Variants in EPHA3 observed in about 807,000 individuals in gnomAD.
The protein encoded by EPHA3 is ephrin type-A receptor 3.
In EPHA3, 42 loss-of-function variants were observed where a neutral mutation model predicts 107.1. The ratio of observed to expected loss-of-function variants is 0.39; its 90% CI spans 0.31 to 0.51. The LOEUF is 0.51. Ranked by LOEUF, EPHA3 falls within the 20% of genes least tolerant of loss-of-function variation. The pLI is 0.78. For synonymous variants in EPHA3, 461 were observed against 424.8 expected, an observed-to-expected ratio of 1.09 and a Z score of -1.05; for missense variants, 1,183 against 1,211.2, an observed-to-expected ratio of 0.98 and a Z score of 0.35.
At chr3:89,442,484 G>A (rs975290786) in intron 13 of EPHA3, among the ~76,000 whole-genome samples, 3 of 152,212 alleles carry the variant, frequency 2.0e-5, no homozygotes, top group East Asian at 1.9e-4. Flanking sequence ...TTGTCTAGAG[G>A]CATTTTTGGC....
At chr3:89,178,191 A>G (rs1705359534) in intron 2 of EPHA3, among the ~76,000 whole-genome samples, 1 of 152,120 alleles carries the variant, frequency 6.6e-6, no homozygotes. Context: ...TAAAACAAAT[A>G]TTTACTAGGA....
At chr3:89,127,558 T>C (rs1192777861) in intron 2 of EPHA3, among the ~76,000 whole-genome samples, 1 of 152,014 alleles carries the variant, frequency 6.6e-6, no homozygotes, top group African/African-American at 2.4e-5. Flanking sequence ...AGTGACTTTT[T>C]TTGATGTGAT....
At chr3:89,337,411 A>G (rs1420548167) in intron 3 of EPHA3, among the ~76,000 whole-genome samples, 1 of 152,228 alleles carries the variant, frequency 6.6e-6, no homozygotes, top group Non-Finnish European at 1.5e-5. Flanking sequence ...TATAAAATAC[A>G]CAGACTGATA....
rs1436920274 is a variant in EPHA3, at chr3:89,284,449, T to TA, written c.815-56466dup. On this transcript the variant is annotated intron_variant, in intron 3 of 16. Transcript: ENST00000336596. Reference sequence around the variant, plus strand: ...TTTTATCTACCATCACCTTTTTTTTTATCAGTTATATAATCTTAAGTACTT... The same window carrying TA: ...TTTTATCTACCATCACCTTTTTTTTTAATCAGTTATATAATCTTAAGTACTT... Among the ~76,000 whole-genome samples the TA allele has an allele frequency of 5.3e-5, 8 of 151,430 alleles. No homozygotes were observed. The South Asian group carries it at 1.0e-3, about 20-fold the overall frequency.
At chr3:89,206,070 A>G (rs1223078881) in intron 2 of EPHA3, among the ~76,000 whole-genome samples, 1 of 152,142 alleles carries the variant, frequency 6.6e-6, no homozygotes. Flanking sequence ...TGCTAGAGTT[A>G]GAGACTTGTT....
intron 16 of EPHA3, among the ~76,000 whole-genome samples, chr3:89,477,535 G>T (rs190788769): frequency 6.6e-6 from 1 of 151,996 alleles, no homozygotes; most frequent in East Asian, 1.9e-4. Context: ...TTAAGAAATC[G>T]ATTAATCCAT....
chr3:89,136,330 CTTTTTTT>C (rs67054298), intron 2 of EPHA3, among the ~76,000 whole-genome samples: 5 of 23,382 alleles, frequency 2.1e-4, no homozygotes, highest in African/African-American at 5.0e-4. Flanking sequence ...ATCTTACAGG[CTTTTTTT>C]TTTTTTTTTT....
At chr3:89,402,946 G>A (rs1708994625) in intron 7 of EPHA3, among the ~76,000 whole-genome samples, 1 of 152,094 alleles carries the variant, frequency 6.6e-6, no homozygotes, top group Admixed American at 6.5e-5. Flanking sequence ...CAAAAGTGCT[G>A]GGATTACAGG....
chr3:89,120,973 C>T (rs992258064), intron 1 of EPHA3, among the ~76,000 whole-genome samples: 8 of 152,222 alleles, frequency 5.3e-5, no homozygotes, highest in African/African-American at 1.4e-4. Context: ...GGCACGGTGG[C>T]TCACACCTGT....
chr3:89,456,269 C>T (rs1005278481), intron 15 of EPHA3, among the ~76,000 whole-genome samples: 3 of 152,074 alleles, frequency 2.0e-5, no homozygotes, highest in African/African-American at 7.3e-5. Flanking sequence ...AAACTGAATT[C>T]GTGGCTGGTA....
At chr3:89,441,416 A>G (rs1311636013) in intron 13 of EPHA3, among the ~76,000 whole-genome samples, 3 of 152,238 alleles carry the variant, frequency 2.0e-5, no homozygotes, top group South Asian at 2.1e-4. Flanking sequence ...TCTGAAATAC[A>G]TAAATATATC....
intron 5 of EPHA3, among the ~76,000 whole-genome samples, chr3:89,343,394 G>A (rs542569134): frequency 4.6e-5 from 7 of 152,232 alleles, no homozygotes; most frequent in Middle Eastern, 3.4e-3. Flanking sequence ...TTACAGAAAT[G>A]CCTCTCTACT....
chr3:89,284,633 C>T (rs73846122), intron 3 of EPHA3, among the ~76,000 whole-genome samples: 5,209 of 151,962 alleles, frequency 0.034, 305 homozygotes, highest in African/African-American at 0.12. Context: ...TATTATTTCC[C>T]GTAATCTATG....
intron 3 of EPHA3, among the ~76,000 whole-genome samples, chr3:89,293,445 AG>A: frequency 6.6e-6 from 1 of 152,072 alleles, no homozygotes; most frequent in East Asian, 1.9e-4. Context: ...CTTTCTTTTA[AG>A]GGGCCAGATA....
At chr3:89,425,834 T>C (rs1337909949) in intron 11 of EPHA3, among the ~76,000 whole-genome samples, 2 of 151,610 alleles carry the variant, frequency 1.3e-5, no homozygotes, top group African/African-American at 4.8e-5. Context: ...TTAGACATTT[T>C]GAATCATATT....
intron 2 of EPHA3, among the ~76,000 whole-genome samples, chr3:89,128,984 A>G (rs1039801982): frequency 1.3e-5 from 2 of 152,130 alleles, no homozygotes; most frequent in Non-Finnish European, 2.9e-5. Context: ...CTTGCTGGGT[A>G]AAGTGTGGCA....
chr3:89,260,460 T>C (rs2107279454), intron 3 of EPHA3, among the ~76,000 whole-genome samples: 1 of 152,366 alleles, frequency 6.6e-6, no homozygotes, highest in Admixed American at 6.5e-5. Context: ...TTCATATATA[T>C]GTTAGCCATT....
At chr3:89,247,712 G>T (rs555939665) in intron 3 of EPHA3, among the ~76,000 whole-genome samples, 12 of 152,084 alleles carry the variant, frequency 7.9e-5, no homozygotes, top group Non-Finnish European at 1.6e-4. Context: ...GTATTTTGTG[G>T]CCAAAGTCAT....
intron 2 of EPHA3, among the ~76,000 whole-genome samples, chr3:89,177,411 A>G (rs748591770): frequency 2.6e-5 from 4 of 152,108 alleles, no homozygotes; most frequent in Non-Finnish European, 4.4e-5. Context: ...TAACTGTGAA[A>G]AAAGATTTCT....
Sources: allele counts gnomAD v4.1 joint callset (sites outside exome capture counted in the v4.1 genomes callset), GRCh38; gene constraint gnomAD v4.1.1; transcripts MANE v1.5; gene names NCBI Gene and HGNC (gene_info 2026-07-23, HGNC 2026-07-21).